The following IST1 variants were observed in gnomAD, a reference collection of about 807,000 sequenced individuals.
The protein encoded by IST1 is IST1 homolog.
IST1 carries 23 observed loss-of-function variants against 37.0 expected under a neutral mutation model. The ratio of observed to expected loss-of-function variants is 0.62; its 90% CI spans 0.45 to 0.88. IST1 has a LOEUF of 0.88. IST1 is among the 40% of genes least tolerant of loss of function. The pLI, the probability that IST1 is intolerant of heterozygous loss-of-function variation, is 0.00. For synonymous variants in IST1, 180 were observed against 161.7 expected (o/e 1.11, Z -0.86); for missense variants, 488 against 445.4 (o/e 1.10, Z -0.86).
intron 1 of IST1, among the ~76,000 whole-genome samples, chr16:71,896,477 C>G (rs1017872873): frequency 3.3e-5 from 5 of 152,124 alleles, no homozygotes; most frequent in African/African-American, 1.2e-4. Context: ...CAGCTTCAAA[C>G]ACGATCAACT....
In IST1 at chr16:71,930,719, G is replaced by A. The variant is rs1237498450; in HGVS notation, c.*2906G>A. On this transcript the variant is annotated 3_prime_UTR_variant, in exon 10 of 10. Coordinates refer to ENST00000378799, the MANE Select transcript of IST1 (RefSeq NM_001270975.2). ...GAGTTCTGCCATTCTTTACTTTTCTGCATACATAAATATCAAGTTCTGGGC... is the reference window on the plus strand; with the variant it reads ...GAGTTCTGCCATTCTTTACTTTTCTACATACATAAATATCAAGTTCTGGGC... The A allele has an allele frequency of 2.0e-5, 3 of 151,476 alleles. No homozygotes were observed. The highest frequency in any genetic ancestry group is 4.4e-5 in the Non-Finnish European group (3 of 67,932). 9.4% of individuals were successfully genotyped at this position (151,476 alleles called of 1,614,324 possible).
chr16:71,922,675 G>A lies in IST1; in HGVS notation c.754G>A (p.Gly252Arg). The part of the protein sequence containing the change: ...NTPFSYPLPK[G>R]PSDFNGLPMG... ...GCCTTTCTCATATCCACTGCCAAAG[G>A]GACCAGTAAGTATATATAAGTGTGG... The change falls in exon 7 of 10, where the codon GGA becomes AGA. Residue 252 changes from glycine (G) to arginine (R), a missense_variant. Gly to Arg is a moderately radical substitution (Grantham distance 125). Around this residue, in one of 2 missense-constraint regions of IST1, gnomAD observed 455 missense variants for 386.2 expected, o/e 1.18. Coordinates refer to ENST00000378799, the MANE Select transcript of IST1 (RefSeq NM_001270975.2). 6.3e-7 allele frequency: 1 copy of A among 1,581,190 alleles called. No individual in the cohort carries two copies. The highest frequency in any genetic ancestry group is 8.6e-7 in the Non-Finnish European group (1 of 1,166,798).
intron 6 of IST1, chr16:71,921,726 C>G: frequency 1.1e-5 from 4 of 350,308 alleles, no homozygotes; most frequent in Non-Finnish European, 2.1e-5. Context: ...ATTGAGAAAC[C>G]TCCTGTTCAT....
intron 1 of IST1, among the ~76,000 whole-genome samples, chr16:71,899,578 A>G (rs2037055420): frequency 6.6e-6 from 1 of 151,932 alleles, no homozygotes; most frequent in Non-Finnish European, 1.5e-5. Flanking sequence ...TAAGAACAAC[A>G]ACAAAAGAAA....
rs947317929 is a variant in IST1 at position 71,918,350 on chromosome 16, C to T, written c.357+1216C>T. Among the ~76,000 whole-genome samples the T allele has an allele frequency of 2.6e-5, 4 of 151,618 alleles. No individual in the cohort carries two copies. In the South Asian group the frequency reaches 8.3e-4, roughly 32 times the overall value. ...AACTTCCAATAGTCCAATAGGGTAC[C>T]AGGGATAGTAATTGAGTTTTGTGGG... On this transcript the variant is annotated intron_variant, in intron 4 of 9. Coordinates refer to ENST00000378799, the MANE Select transcript of IST1 (RefSeq NM_001270975.2).
chr16:71,914,038 C>T lies in IST1; in HGVS notation c.-15-1588C>T, dbSNP rs995500823. 1.4e-4 allele frequency among the ~76,000 whole-genome samples: 22 copies of T among 151,884 alleles called. No homozygotes were observed. In the South Asian group the frequency reaches 4.4e-3, roughly 30 times the overall value. On this transcript the variant is annotated intron_variant, in intron 1 of 9. Transcript: ENST00000378799. ...GGTCAGGCTGATCTCGAACTCCCGA[C>T]CTCAGGTGATCCACCCACCTAGGCC...
At chr16:71,901,376 G>T (rs1455414530) in intron 1 of IST1, among the ~76,000 whole-genome samples, 2 of 152,020 alleles carry the variant, frequency 1.3e-5, no homozygotes, top group African/African-American at 2.4e-5. Flanking sequence ...ACCACACCCA[G>T]CTAATTTTTT....
rs1398838578 is a variant in IST1, at chr16:71,897,173, T to G, written c.-16+1584T>G. On this transcript the variant is annotated intron_variant, in intron 1 of 9. Transcript: ENST00000378799. ...CTGACACTACAGGCCCACGCCTGGC[T>G]TTTTTTTTTTTTTTTTTTTGGTCGG... 4.9e-4 allele frequency among the ~76,000 whole-genome samples: 5 copies of G among 10,124 alleles called. No individual in the cohort carries two copies. The East Asian group carries it at 0.29, about 579-fold the overall frequency. 6.6% of individuals were successfully genotyped at this position (10,124 alleles called of 152,430 possible).
In IST1 at chr16:71,924,170, G is replaced by A. The variant is rs1392106552; in HGVS notation, c.853-599G>A. The A allele has an allele frequency of 1.1e-4, 50 of 455,878 alleles. 1 individual carries two copies. The Admixed American group carries it at 1.2e-3, about 11-fold the overall frequency. The allele number at this position is 455,878 out of a possible 1,614,324, so 28.2% of individuals were successfully genotyped here. On this transcript the variant is annotated intron_variant, in intron 8 of 9. Transcript: ENST00000378799. ...TCACATAACCCACAGCCGTTGGTAG[G>A]AATGAGGTCGAAAATCTTCATCAGT... is the stretch of plus-strand genomic sequence containing the variant.
chr16:71,924,838 AC>A (rs1946928504), intron 9 of IST1, 21 bp downstream of exon 9: 1 of 1,549,650 alleles, frequency 6.5e-7, no homozygotes, highest in Non-Finnish European at 8.9e-7. Context: ...TCAATCAGAA[AC>A]CTGCAGAGCT....
upstream of IST1, chr16:71,894,552 C>G: frequency 1.3e-3 from 310 of 245,882 alleles, no homozygotes; most frequent in East Asian, 2.1e-3. Context: ...GGCCCTTTTT[C>G]TTTTTTTCTG....
At chr16:71,897,044 G>A (rs1465164111) in intron 1 of IST1, among the ~76,000 whole-genome samples, 1 of 152,038 alleles carries the variant, frequency 6.6e-6, no homozygotes, top group Non-Finnish European at 1.5e-5. Context: ...CTGCAGACGG[G>A]GGTCTCACTC....
chr16:71,912,995 T>C (rs1015823055), intron 1 of IST1, among the ~76,000 whole-genome samples: 1 of 152,214 alleles, frequency 6.6e-6, no homozygotes, highest in African/African-American at 2.4e-5. Context: ...TGTTTATCCA[T>C]GAATCCCTCA....
intron 9 of IST1, among the ~76,000 whole-genome samples, chr16:71,926,682 ACT>A (rs908918178): frequency 8.6e-5 from 13 of 151,476 alleles, no homozygotes; most frequent in African/African-American, 3.2e-4. Context: ...AGACAATTCC[ACT>A]CTCTGATCAA....
chr16:71,907,189 T>C (rs1462105350), intron 1 of IST1, among the ~76,000 whole-genome samples: 4 of 32,006 alleles, frequency 1.2e-4, no homozygotes, highest in Non-Finnish European at 2.0e-4. Context: ...TTTTCTTTCT[T>C]TTTTTTTTTT....
chr16:71,930,209 A>G lies in IST1; in HGVS notation c.*2396A>G, dbSNP rs1242774314. On this transcript the variant is annotated 3_prime_UTR_variant, in exon 10 of 10. Coordinates refer to ENST00000378799, the MANE Select transcript of IST1 (RefSeq NM_001270975.2). ...CTGGGAAAACAATAAGAACACTTGCAGTGACTGACAATTTAGTTTATACTT... is the reference window on the plus strand; with the variant it reads ...CTGGGAAAACAATAAGAACACTTGCGGTGACTGACAATTTAGTTTATACTT... 5 of 1,523,298 alleles carry G rather than the reference A, an allele frequency of 3.3e-6. No individual in the cohort carries two copies. The highest frequency in any genetic ancestry group is 1.4e-5 in the African/African-American group (1 of 71,536). The allele number at this position is 1,523,298 out of a possible 1,614,324, so 94.4% of individuals were successfully genotyped here. A position where few individuals can be genotyped will look rare whatever the true frequency, so the allele number is the denominator to read the frequency against.
chr16:71,923,679 T>G (rs1490200379), intron 8 of IST1, among the ~76,000 whole-genome samples: 2 of 152,214 alleles, frequency 1.3e-5, no homozygotes, highest in Non-Finnish European at 2.9e-5. Context: ...TTTGACCGAC[T>G]AGGCAGATAA....
rs145626501 is a variant in IST1, at chr16:71,928,069, T to G, written c.*256T>G. 23 of 451,176 alleles carry G rather than the reference T, an allele frequency of 5.1e-5. No homozygotes were observed. In the Admixed American group the frequency reaches 8.0e-4, roughly 16 times the overall value. 27.9% of individuals were successfully genotyped at this position (451,176 alleles called of 1,614,324 possible). A position where few individuals can be genotyped will look rare whatever the true frequency, so the allele number is the denominator to read the frequency against. On this transcript the variant is annotated 3_prime_UTR_variant, in exon 10 of 10. Coordinates refer to ENST00000378799, the MANE Select transcript of IST1 (RefSeq NM_001270975.2). Reference sequence around the variant, plus strand: ...GCTTGTCCGTTTCCTGTCAGAGTGATCCCAGGTTTCCTCCTGGCCCGTCCC... The same window carrying G: ...GCTTGTCCGTTTCCTGTCAGAGTGAGCCCAGGTTTCCTCCTGGCCCGTCCC...
chr16:71,920,087 C>G (rs959579708), intron 4 of IST1, among the ~76,000 whole-genome samples: 3 of 152,126 alleles, frequency 2.0e-5, no homozygotes, highest in Non-Finnish European at 4.4e-5. Context: ...CTGGGCTACA[C>G]CCGTTTGGCT....
Sources: allele counts gnomAD v4.1 joint callset (sites outside exome capture counted in the v4.1 genomes callset), GRCh38; gene constraint gnomAD v4.1.1; regional missense constraint gnomAD v4.1.1; transcripts MANE v1.5; gene names NCBI Gene and HGNC (gene_info 2026-07-23, HGNC 2026-07-21).